The following GABRG3 variants were observed in gnomAD, a reference collection of about 807,000 sequenced individuals.
GABRG3 encodes the protein gamma-aminobutyric acid receptor subunit gamma-3.
GABRG3 carries 25 observed loss-of-function variants against 48.8 expected under a neutral mutation model. That is an observed-to-expected ratio of 0.51 (90% CI 0.37 to 0.72). The LOEUF (loss-of-function observed/expected upper bound fraction) is 0.72, where lower values mean the gene tolerates loss of function less well. Among genes scored for constraint, GABRG3 ranks in the 30% least tolerant of loss-of-function variants. GABRG3 has a pLI of 0.00. For missense variants in GABRG3, 394 were observed against 577.9 expected, an observed-to-expected ratio of 0.68 and a Z score of 3.26; for synonymous variants, 227 against 217.6, an observed-to-expected ratio of 1.04 and a Z score of -0.38.
intron 3 of GABRG3, among the ~76,000 whole-genome samples, chr15:27,134,646 A>G (rs932704916): frequency 1.3e-5 from 2 of 152,086 alleles, no homozygotes; most frequent in Non-Finnish European, 2.9e-5. Flanking sequence ...TCCTCCTCAG[A>G]AAGACCCAGG....
At chr15:27,043,219 A>G (rs1278295270) in intron 3 of GABRG3, among the ~76,000 whole-genome samples, 1 of 152,202 alleles carries the variant, frequency 6.6e-6, no homozygotes, top group Non-Finnish European at 1.5e-5. Context: ...CAGTTTTTCT[A>G]CAACTCAGAA....
At chr15:27,272,540 A>C (rs1471190256) in intron 3 of GABRG3, among the ~76,000 whole-genome samples, 1 of 152,158 alleles carries the variant, frequency 6.6e-6, no homozygotes, top group Non-Finnish European at 1.5e-5. Context: ...AGCTGTTCCA[A>C]AGAGTGTTTT....
At chr15:27,495,023 T>C (rs933043199) in intron 6 of GABRG3, among the ~76,000 whole-genome samples, 1 of 152,202 alleles carries the variant, frequency 6.6e-6, no homozygotes, top group African/African-American at 2.4e-5. Flanking sequence ...CAGTTTGATG[T>C]CTTTTATTTC....
chr15:27,244,986 G>A (rs1179083459), intron 3 of GABRG3, among the ~76,000 whole-genome samples: 1 of 152,196 alleles, frequency 6.6e-6, no homozygotes, highest in Non-Finnish European at 1.5e-5. Flanking sequence ...CTGAAGAAGT[G>A]AGTGAAAGTT....
chr15:27,124,567 T>C (rs1275269250), intron 3 of GABRG3, among the ~76,000 whole-genome samples: 1 of 152,234 alleles, frequency 6.6e-6, no homozygotes. Flanking sequence ...CAATGGGTCA[T>C]TGCTGAAGTC....
intron 3 of GABRG3, among the ~76,000 whole-genome samples, chr15:27,206,749 A>G (rs1188991537): frequency 1.3e-5 from 2 of 152,188 alleles, no homozygotes; most frequent in East Asian, 1.9e-4. Context: ...TCGGGTGCAT[A>G]TATATTTAGG....
At chr15:27,430,103 G>A (rs1217900012) in intron 5 of GABRG3, among the ~76,000 whole-genome samples, 1 of 152,172 alleles carries the variant, frequency 6.6e-6, no homozygotes, top group Non-Finnish European at 1.5e-5. Context: ...CAATGAGTGT[G>A]CAGTGGTATT....
At chr15:27,280,635 C>A (rs1891402475) in intron 3 of GABRG3, among the ~76,000 whole-genome samples, 1 of 152,126 alleles carries the variant, frequency 6.6e-6, no homozygotes, top group Admixed American at 6.5e-5. Flanking sequence ...TGTTAGCAAA[C>A]TTTCTTGTAA....
chr15:27,149,178 G>C (rs1219588769), intron 3 of GABRG3, among the ~76,000 whole-genome samples: 1 of 151,952 alleles, frequency 6.6e-6, no homozygotes, highest in Admixed American at 6.6e-5. Flanking sequence ...AATATAAACA[G>C]AACATATTGA....
intron 5 of GABRG3, among the ~76,000 whole-genome samples, chr15:27,452,493 G>A (rs1455199899): frequency 1.3e-5 from 2 of 152,116 alleles, no homozygotes; most frequent in Non-Finnish European, 2.9e-5. Flanking sequence ...TGTTGACTGA[G>A]AGCCCTACCT....
chr15:27,520,180 C>T (rs567628395), intron 7 of GABRG3, 56 bp downstream of exon 7: 1 of 1,442,922 alleles, frequency 6.9e-7, no homozygotes, highest in African/African-American at 1.4e-5. Context: ...TAGAAGCATT[C>T]ATAAAAAATA....
In GABRG3 at chr15:27,212,574, A is replaced by G. The variant is rs141529997; in HGVS notation, c.271-114235A>G. On this transcript the variant is annotated intron_variant, in intron 3 of 9. Coordinates refer to ENST00000615808, the MANE Select transcript of GABRG3 (RefSeq NM_033223.5). The stretch of plus-strand genomic sequence containing the variant: ...CTCATGCTCATTATTTTGTGGTGAA[A>G]TACACATCCACCGTACCATCTTAGC... Among the ~76,000 whole-genome samples, 245 of 152,318 alleles carry G rather than the reference A, an allele frequency of 1.6e-3. 2 individuals are homozygous for G. Among genetic ancestry groups the G allele is most frequent in the Non-Finnish European group, 1.9e-4 (13 of 68,026 alleles).
At chr15:27,488,588 A>G (rs755303882) in intron 6 of GABRG3, among the ~76,000 whole-genome samples, 1 of 152,192 alleles carries the variant, frequency 6.6e-6, no homozygotes, top group African/African-American at 2.4e-5. Context: ...CATTTTACAC[A>G]TTTCCCAATG....
At chr15:27,366,724 C>A (rs889391065) in intron 5 of GABRG3, among the ~76,000 whole-genome samples, 6 of 152,160 alleles carry the variant, frequency 3.9e-5, no homozygotes, top group Admixed American at 3.9e-4. Context: ...CCCTTTTCTC[C>A]CCTCATCATA....
intron 3 of GABRG3, among the ~76,000 whole-genome samples, chr15:27,265,289 G>C (rs1004822637): frequency 1.3e-4 from 20 of 152,102 alleles, no homozygotes; most frequent in African/African-American, 4.3e-4. Flanking sequence ...GCCAATGTCA[G>C]TTGAAAATGA....
At chr15:27,386,317 A>C (rs2140568044) in intron 5 of GABRG3, among the ~76,000 whole-genome samples, 1 of 152,250 alleles carries the variant, frequency 6.6e-6, no homozygotes, top group African/African-American at 2.4e-5. Flanking sequence ...GTGTTCATCC[A>C]GGGACTTTTA....
chr15:27,231,048 T>A (rs1471010998), intron 3 of GABRG3, among the ~76,000 whole-genome samples: 2 of 150,038 alleles, frequency 1.3e-5, no homozygotes, highest in East Asian at 2.0e-4. Flanking sequence ...TGTGTGTGTG[T>A]GATTTCTTCC....
chr15:27,248,000 A>G (rs907608052), intron 3 of GABRG3, among the ~76,000 whole-genome samples: 1 of 152,236 alleles, frequency 6.6e-6, no homozygotes, highest in African/African-American at 2.4e-5. Context: ...TAGATGTCCA[A>G]TACCAGACAT....
intron 3 of GABRG3, among the ~76,000 whole-genome samples, chr15:27,222,898 C>T (rs1761931726): frequency 1.3e-5 from 2 of 152,166 alleles, no homozygotes; most frequent in Non-Finnish European, 1.5e-5. Flanking sequence ...AGTCTCACTT[C>T]AGAATCCTGG....
Sources: gnomAD v4.1 joint callset for allele counts (sites outside exome capture counted in the v4.1 genomes callset) on GRCh38, gnomAD v4.1.1 for gene constraint, MANE v1.5 for transcripts, NCBI Gene and HGNC (gene_info 2026-07-23, HGNC 2026-07-21) for gene names.